Variants in ZNF34 observed in about 807,000 individuals in gnomAD.
ZNF34 encodes the protein zinc finger protein 34 (KOX 32).
In ZNF34, 8 loss-of-function variants were observed where a neutral mutation model predicts 14.4. The ratio of observed to expected loss-of-function variants is 0.55; its 90% CI spans 0.33 to 1.00. The LOEUF is 1.00. Ranked by LOEUF, ZNF34 falls within the 50% of genes least tolerant of loss-of-function variation. ZNF34 has a pLI of 0.03. For synonymous variants in ZNF34, 235 were observed against 247.9 expected, an observed-to-expected ratio of 0.95 and a Z score of 0.49; for missense variants, 538 against 674.2, an observed-to-expected ratio of 0.80 and a Z score of 2.24.
intron 1 of ZNF34, among the ~76,000 whole-genome samples, chr8:144,781,260 C>G (rs1418005742): frequency 6.6e-6 from 1 of 151,440 alleles, no homozygotes; most frequent in East Asian, 1.9e-4. Context: ...CTGGTAAATC[C>G]TCCTCTGGAG....
intron 1 of ZNF34, among the ~76,000 whole-genome samples, chr8:144,781,440 T>G (rs1825879277): frequency 6.6e-6 from 1 of 152,080 alleles, no homozygotes; most frequent in Non-Finnish European, 1.5e-5. Flanking sequence ...GTATTTTTAG[T>G]AGAGACGGAG....
chr8:144,783,140 G>C (rs966277719), intron 1 of ZNF34, among the ~76,000 whole-genome samples: 5 of 152,064 alleles, frequency 3.3e-5, no homozygotes, highest in Middle Eastern at 3.4e-3. Context: ...AATTAGCACG[G>C]ATTGGTGGCA....
In ZNF34 at chr8:144,780,280, C is replaced by A. The variant is rs1825782360; in HGVS notation, c.-107G>T. On this transcript the variant is annotated splice_region_variant and 5_prime_UTR_variant, in exon 2 of 6. Transcript: ENST00000429371. ...AGATACATGTGATGCAACTATTTGG[C>A]CTAAAATAAAATAACACAGAAAGGC... The A allele has an allele frequency of 6.5e-7, 1 of 1,549,346 alleles. No homozygotes were observed. The highest frequency in any genetic ancestry group is 2.0e-5 in the Admixed American group (1 of 50,940).
rs137935844 is a variant in ZNF34, at chr8:144,778,668, TCCCGGACATAGACTCCACTCTTTG to T, written c.-54-167_-54-144del. On this transcript the variant is annotated intron_variant, in intron 2 of 5. Transcript: ENST00000429371. ...CCAATGTGGGTACTGCTAGCTGGCC[TCCCGGACATAGACTCCACTCTTTG>T]CCTGGGGCTGCCCTCTCCAGCTCCA... 1,090 of 515,380 alleles carry T rather than the reference TCCCGGACATAGACTCCACTCTTTG, an allele frequency of 2.1e-3. 10 individuals are homozygous for T. The highest frequency in any genetic ancestry group is 0.021 in the African/African-American group (1,037 of 49,858). 31.9% of individuals were successfully genotyped at this position (515,380 alleles called of 1,614,324 possible).
In ZNF34 at chr8:144,783,891, G is replaced by A. The variant is rs369187050; in HGVS notation, c.-108+3388C>T. ...ATTAGCCAAGGCAGTGTGGCCAGGC[G>A]CAGTGGCTCACGCCTATAATCCCAG... On this transcript the variant is annotated intron_variant, in intron 1 of 5. Transcript: ENST00000429371. Among the ~76,000 whole-genome samples, 23 of 152,308 alleles carry A rather than the reference G, an allele frequency of 1.5e-4. No individual in the cohort carries two copies. In the East Asian group the frequency reaches 2.1e-3, roughly 14 times the overall value.
rs1289645364 is a variant in ZNF34 at position 144,777,413 on chromosome 8, G to C, written c.280+45C>G. ...ATCAGACACCCTGGACCCCAATAAAGGCTCGTTCGGTGACTTGAGTTGGGG... is the reference window on the plus strand; with the variant it reads ...ATCAGACACCCTGGACCCCAATAAACGCTCGTTCGGTGACTTGAGTTGGGG... On this transcript the variant is annotated intron_variant, in intron 5 of 5. Transcript: ENST00000429371. The surrounding 1 kb of genome is among the most constrained non-coding windows in gnomAD (Gnocchi z 4.8). 6.5e-7 allele frequency: 1 copy of C among 1,545,994 alleles called. No homozygotes were observed. Among genetic ancestry groups the C allele is most frequent in the Non-Finnish European group, 8.7e-7 (1 of 1,143,720 alleles).
intron 1 of ZNF34, 45 bp from the exon 2 acceptor site, chr8:144,780,325 G>C: frequency 1.5e-6 from 2 of 1,373,122 alleles, no homozygotes; most frequent in South Asian, 1.2e-5. Flanking sequence ...GTTAATATTA[G>C]ATCAAACACT....
intron 1 of ZNF34, among the ~76,000 whole-genome samples, chr8:144,782,318 CACAAA>C (rs141485254): frequency 4.0e-5 from 6 of 151,212 alleles, no homozygotes; most frequent in Non-Finnish European, 5.9e-5. Flanking sequence ...GAGACTCCGA[CACAAA>C]ACAAAACAAA....
chr8:144,784,021 A>G (rs912219471), intron 1 of ZNF34, among the ~76,000 whole-genome samples: 360 of 152,162 alleles, frequency 2.4e-3, no homozygotes, highest in African/African-American at 7.7e-3. Flanking sequence ...TAGCCCGGCC[A>G]TGGTGGCAGG....
intron 5 of ZNF34, among the ~76,000 whole-genome samples, chr8:144,775,968 G>A (rs1408882144): frequency 4.6e-5 from 7 of 152,174 alleles, no homozygotes; most frequent in African/African-American, 4.8e-5. Flanking sequence ...AGACTCATGC[G>A]CACAGAAATG....
chr8:144,781,446 C>T (rs112996815), intron 1 of ZNF34, among the ~76,000 whole-genome samples: 2 of 151,778 alleles, frequency 1.3e-5, no homozygotes, highest in South Asian at 2.1e-4. Context: ...TTAGTAGAGA[C>T]GGAGTTTCAC....
At chr8:144,784,940 T>C (rs993850193) in intron 1 of ZNF34, among the ~76,000 whole-genome samples, 9 of 151,236 alleles carry the variant, frequency 6.0e-5, no homozygotes, top group Non-Finnish European at 8.8e-5. Flanking sequence ...CTGGGTAACA[T>C]GGTGAAACCC....
In ZNF34 at chr8:144,774,340, A is replaced by T; in HGVS notation, c.546T>A (p.Ser182Arg). The change falls in exon 6 of 6, where the codon AGT becomes AGA. Residue 182 changes from serine to arginine, a missense_variant. Ser to Arg is a moderately radical substitution (Grantham distance 110). This residue lies in a region of ZNF34 where 431 missense variants were observed against 525.7 expected (regional missense o/e 0.82). Transcript: ENST00000429371. ...RPHKCDICEQ[S>R]FEQRSYLNNH... The stretch of plus-strand genomic sequence containing the variant: ...TGTTGAGATATGATCTCTGTTCAAA[A>T]CTTTGCTCACATATATCACATTTGT... The T allele has an allele frequency of 6.2e-7, 1 of 1,612,416 alleles. No individual in the cohort carries two copies. The highest frequency in any genetic ancestry group is 8.5e-7 in the Non-Finnish European group (1 of 1,179,138).
intron 1 of ZNF34, among the ~76,000 whole-genome samples, chr8:144,781,141 A>G (rs995736000): frequency 2.7e-5 from 4 of 150,744 alleles, no homozygotes; most frequent in African/African-American, 9.7e-5. Context: ...TCTCAAATAA[A>G]TAAATAAATA....
rs1198245971 is a variant in ZNF34, at chr8:144,773,507, C to T, written c.1379G>A (p.Gly460Glu). Reference protein sequence around the residue: ...GEKPYKCSECGKAFHNSSRLI... With the variant: ...GEKPYKCSECEKAFHNSSRLI... The stretch of plus-strand genomic sequence containing the variant: ...TCTGGAACTGTTGTGGAAGGCCTTC[C>T]CACACTCGCTGCACTTGTAGGGCTT... Residue 460 changes from glycine to glutamate, a missense_variant, in exon 6 of 6, where the codon GGG becomes GAG. By Grantham distance (98) the Gly-to-Glu change is moderately conservative (BLOSUM62 -2). Coordinates refer to ENST00000429371, the MANE Select transcript of ZNF34 (RefSeq NM_001286769.2). This position sits in a 1 kb window ranked among gnomAD's most constrained non-coding sequence, Gnocchi z 5.4. 1 of 1,614,032 alleles carries T rather than the reference C, an allele frequency of 6.2e-7. No individual in the cohort carries two copies. Among genetic ancestry groups the T allele is most frequent in the Non-Finnish European group, 8.5e-7 (1 of 1,180,028 alleles).
rs1322222072 is a variant in ZNF34 at position 144,773,054 on chromosome 8, C to T, written c.*212G>A. 10 of 515,748 alleles carry T rather than the reference C, an allele frequency of 1.9e-5. No individual in the cohort carries two copies. Among genetic ancestry groups the T allele is most frequent in the East Asian group, 6.5e-5 (2 of 30,778 alleles). 31.9% of individuals were successfully genotyped at this position (515,748 alleles called of 1,614,324 possible). A position where few individuals can be genotyped will look rare whatever the true frequency, so the allele number is the denominator to read the frequency against. ...TTTTTTTTCTAAGTGGGAGAGATCA[C>T]AGAAGCTTCTTTTTTGCCCACTTTT... On this transcript the variant is annotated 3_prime_UTR_variant, in exon 6 of 6. Transcript: ENST00000429371. This position sits in a 1 kb window ranked among gnomAD's most constrained non-coding sequence, Gnocchi z 5.4.
chr8:144,783,314 G>T (rs1045393995), intron 1 of ZNF34, among the ~76,000 whole-genome samples: 2 of 152,180 alleles, frequency 1.3e-5, no homozygotes, highest in African/African-American at 4.8e-5. Context: ...ACTTGTAGTA[G>T]ATTCAGTGAC....
At chr8:144,783,396 A>G (rs1826022147) in intron 1 of ZNF34, among the ~76,000 whole-genome samples, 1 of 152,228 alleles carries the variant, frequency 6.6e-6, no homozygotes. Context: ...AGAAAAAAGA[A>G]ATATAAGCTA....
rs192891235 is a variant in ZNF34 at position 144,785,975 on chromosome 8, G to A, written c.-108+1304C>T. ...CAGAATATACACAGTATAATACATA[G>A]GTAGTTTTTTTTTTTTTTTTTTTTT... On this transcript the variant is annotated intron_variant, in intron 1 of 5. Transcript: ENST00000429371. Among the ~76,000 whole-genome samples, 460 of 146,086 alleles carry A rather than the reference G, an allele frequency of 3.1e-3. 1 individual carries two copies. The highest frequency in any genetic ancestry group is 0.011 in the African/African-American group (435 of 39,390).
Sources: gnomAD v4.1 joint callset for allele counts (sites outside exome capture counted in the v4.1 genomes callset) on GRCh38, gnomAD v4.1.1 for gene constraint, gnomAD v4.1.1 regional missense constraint, Gnocchi (gnomAD v3.1) non-coding constraint, MANE v1.5 for transcripts, NCBI Gene and HGNC (gene_info 2026-07-23, HGNC 2026-07-21) for gene names.